The following CYP3A4 variants were observed in gnomAD, a reference collection of about 807,000 sequenced individuals.
CYP3A4 encodes cytochrome P450 3A4.
In CYP3A4, 41 loss-of-function variants were observed where a neutral mutation model predicts 54.9. The observed-to-expected ratio is 0.75, with a 90% CI of 0.58 to 0.97. CYP3A4 has a LOEUF of 0.97. Among genes scored for constraint, CYP3A4 ranks in the 50% least tolerant of loss-of-function variants. The pLI, the probability that CYP3A4 is intolerant of heterozygous loss-of-function variation, is 0.00. For missense variants in CYP3A4, 510 were observed against 597.3 expected, an observed-to-expected ratio of 0.85 and a Z score of 1.52; for synonymous variants, 179 against 205.2, an observed-to-expected ratio of 0.87 and a Z score of 1.09.
chr7:99,778,126 C>G, intron 2 of CYP3A4, 46 bp from the exon 3 acceptor site: 1 of 1,478,090 alleles, frequency 6.8e-7, no homozygotes, highest in South Asian at 1.2e-5. Flanking sequence ...TTTTAATGTA[C>G]TTAACCCTGC....
At position 99,768,290 on chromosome 7, in the gene CYP3A4, A is replaced by G. The variant is rs4987160; in HGVS notation, c.670+64T>C. On this transcript the variant is annotated intron_variant, in intron 7 of 12. Transcript: ENST00000651514. ...GTGGATGAATTACATGGTGATTTAT[A>G]TCTCAATAAAGCAGTTATTTTTAAG... 1,145 of 1,500,354 alleles carry G rather than the reference A, an allele frequency of 7.6e-4. 9 individuals carry two copies. In the African/African-American group the frequency reaches 0.014, roughly 18 times the overall value. 92.9% of individuals were successfully genotyped at this position (1,500,354 alleles called of 1,614,324 possible).
intron 3 of CYP3A4, among the ~76,000 whole-genome samples, chr7:99,773,943 A>C (rs1416968300): frequency 1.3e-5 from 2 of 152,172 alleles, no homozygotes; most frequent in Admixed American, 1.3e-4. Flanking sequence ...AAATAGATAG[A>C]CTGCTAGCAA....
At chr7:99,782,952 GAACT>G (rs1815963861) in intron 1 of CYP3A4, among the ~76,000 whole-genome samples, 1 of 152,214 alleles carries the variant, frequency 6.6e-6, no homozygotes, top group East Asian at 1.9e-4. Context: ...AACAAATACT[GAACT>G]AACAGCCCTC....
intron 2 of CYP3A4, among the ~76,000 whole-genome samples, chr7:99,779,356 G>T (rs1191407151): frequency 6.6e-6 from 1 of 152,130 alleles, no homozygotes; most frequent in Non-Finnish European, 1.5e-5. Context: ...TGAAGGAAAA[G>T]AAATAAAGCA....
At chr7:99,764,846 C>A (rs1187939030) in intron 9 of CYP3A4, among the ~76,000 whole-genome samples, 1 of 152,198 alleles carries the variant, frequency 6.6e-6, no homozygotes, top group Non-Finnish European at 1.5e-5. Context: ...ATTAAAATAG[C>A]ATAAGCTCCT....
intron 1 of CYP3A4, 123 bp downstream of exon 1, chr7:99,783,888 T>G (rs564746136): frequency 1.8e-6 from 2 of 1,139,136 alleles, no homozygotes; most frequent in Non-Finnish European, 2.6e-6. Flanking sequence ...GGATTACAGG[T>G]GTAAGCCACC....
chr7:99,758,239 T>TAGG lies in CYP3A4; in HGVS notation c.1417-12_1417-11insCCT. On this transcript the variant is annotated splice_polypyrimidine_tract_variant and intron_variant, in intron 12 of 12. Transcript: ENST00000651514. ...TAATTTCAGGGGGATCTGCAACAGT[T>TAGG]AAACAAGCATATTGAGAAGCATTAA... 1.2e-6 allele frequency: 2 copies of TAGG among 1,611,998 alleles called. No individual in the cohort carries two copies. Among genetic ancestry groups the TAGG allele is most frequent in the Non-Finnish European group, 1.7e-6 (2 of 1,178,316 alleles).
rs193234186 is a variant in CYP3A4, at chr7:99,779,260, T to C, written c.165+732A>G. Among the ~76,000 whole-genome samples, 11 of 152,294 alleles carry C rather than the reference T, an allele frequency of 7.2e-5. No homozygotes were observed. The East Asian group carries it at 7.7e-4, about 11-fold the overall frequency. Reference sequence around the variant, plus strand: ...AAAACCCCACAAACTCATTTTGTGCTTAAATATCTGAGTTTGATTGACCAC... The same window carrying C: ...AAAACCCCACAAACTCATTTTGTGCCTAAATATCTGAGTTTGATTGACCAC... On this transcript the variant is annotated intron_variant, in intron 2 of 12. Transcript: ENST00000651514.
intron 10 of CYP3A4, 42 bp downstream of exon 10, chr7:99,763,813 G>A (rs1438272660): frequency 6.2e-7 from 1 of 1,611,096 alleles, no homozygotes; most frequent in Non-Finnish European, 8.5e-7. Flanking sequence ...TTTTTGCTAA[G>A]GTTTCACCTC....
chr7:99,772,928 C>T (rs1302494354), intron 3 of CYP3A4, among the ~76,000 whole-genome samples: 1 of 152,106 alleles, frequency 6.6e-6, no homozygotes, highest in Non-Finnish European at 1.5e-5. Context: ...CATTGAAAGA[C>T]AAAAGAGCTC....
In CYP3A4 at chr7:99,780,008, A is replaced by G. The variant is rs374028591; in HGVS notation, c.149T>C (p.Ile50Thr). 6 of 1,613,366 alleles carry G rather than the reference A, an allele frequency of 3.7e-6. No individual in the cohort carries two copies. The African/African-American group carries it at 4.0e-5, about 11-fold the overall frequency. ...AACACTCACCTTATGGTAGGACAAA[A>G]TATTTCCCAAAAAAGGCAGAGGTGT... Reference protein sequence around the residue: ...GPTPLPFLGNILSYHKGFCMF... With the variant: ...GPTPLPFLGNTLSYHKGFCMF... The change falls in exon 2 of 13, where the codon ATT (isoleucine) becomes ACT (threonine). Residue 50 changes from isoleucine to threonine, a missense_variant. This residue lies in a region of CYP3A4 where 272 missense variants were observed against 274.9 expected (regional missense o/e 0.99). Transcript: ENST00000651514.
At position 99,768,342 on chromosome 7, in the gene CYP3A4, T is replaced by A; in HGVS notation, c.670+12A>T. ...GAGCAAGATAAATAAAAGGAAATAG[T>A]AGTCCACATACTTATTGAGAGAAAG... On this transcript the variant is annotated intron_variant, in intron 7 of 12. Transcript: ENST00000651514. 6.2e-7 allele frequency: 1 copy of A among 1,610,838 alleles called. No individual in the cohort carries two copies. Among genetic ancestry groups the A allele is most frequent in the Non-Finnish European group, 8.5e-7 (1 of 1,177,272 alleles).
rs1815413497 is a variant in CYP3A4, at chr7:99,763,973, A to G, written c.908T>C (p.Ile303Thr). Reference protein sequence around the residue: ...LELVAQSIIFIFAGYETTSSV... With the variant: ...LELVAQSIIFTFAGYETTSSV... ...GCTCGTGGTTTCATAGCCAGCAAAA[A>G]TAAAGATAATTGATTGGGCCACGAG... The change falls in exon 10 of 13, where the codon ATT (isoleucine) becomes ACT (threonine). Residue 303 changes from isoleucine (I) to threonine (T), a missense_variant. Around this residue, in one of 2 missense-constraint regions of CYP3A4, gnomAD observed 238 missense variants for 322.5 expected, o/e 0.74. Coordinates refer to ENST00000651514, the MANE Select transcript of CYP3A4 (RefSeq NM_017460.6). 6.2e-7 allele frequency: 1 copy of G among 1,613,912 alleles called. No homozygotes were observed. The highest frequency in any genetic ancestry group is 1.7e-5 in the Admixed American group (1 of 59,988).
At chr7:99,773,057 A>T (rs1282559981) in intron 3 of CYP3A4, among the ~76,000 whole-genome samples, 2 of 152,132 alleles carry the variant, frequency 1.3e-5, no homozygotes, top group Non-Finnish European at 2.9e-5. Context: ...ATTTTATTTT[A>T]AAAAGAATAT....
intron 12 of CYP3A4, among the ~76,000 whole-genome samples, chr7:99,758,588 A>C (rs2151552053): frequency 6.6e-6 from 1 of 152,328 alleles, no homozygotes; most frequent in Admixed American, 6.5e-5. Context: ...TTTAAATTTT[A>C]AGTAAAATGG....
intron 8 of CYP3A4, chr7:99,766,856 T>C (rs1455827913): frequency 1.9e-5 from 7 of 367,716 alleles, no homozygotes; most frequent in Admixed American, 4.4e-5. Context: ...AGTAAAGTGG[T>C]AAAGTTTTAT....
chr7:99,766,234 A>G (rs1416143607), intron 9 of CYP3A4, 143 bp downstream of exon 9: 12 of 1,023,954 alleles, frequency 1.2e-5, no homozygotes, highest in African/African-American at 4.9e-5. Context: ...AGTGCCTCCA[A>G]CTACCACTTA....
In CYP3A4 at chr7:99,780,078, T is replaced by C; in HGVS notation, c.79A>G (p.Thr27Ala). ...TTCTTAAAAAGTCCATGTGAATGGG[T>C]TCCATATCTACAAAGTGAAACAGAA... ...VSLVLLYLYGTHSHGLFKKLG... is the reference protein window; with the variant it reads ...VSLVLLYLYGAHSHGLFKKLG... The change falls in exon 2 of 13, where the codon ACC becomes GCC. Residue 27 changes from threonine (T) to alanine (A), a missense_variant. By Grantham distance (58) the Thr-to-Ala change is moderately conservative. This residue lies in a region of CYP3A4 where 272 missense variants were observed against 274.9 expected (regional missense o/e 0.99). Coordinates refer to ENST00000651514, the MANE Select transcript of CYP3A4 (RefSeq NM_017460.6). 6.2e-7 allele frequency: 1 copy of C among 1,613,000 alleles called. No homozygotes were observed. Among genetic ancestry groups the C allele is most frequent in the African/African-American group, 1.3e-5 (1 of 75,004 alleles).
chr7:99,768,600 C>A, intron 6 of CYP3A4, 98 bp from the exon 7 acceptor site: 1 of 1,603,150 alleles, frequency 6.2e-7, no homozygotes, highest in Non-Finnish European at 8.5e-7. Context: ...TCAAGACAGA[C>A]AAACAGCCAC....
Sources: allele counts gnomAD v4.1 joint callset (sites outside exome capture counted in the v4.1 genomes callset), GRCh38; gene constraint gnomAD v4.1.1; regional missense constraint gnomAD v4.1.1; transcripts MANE v1.5; gene names NCBI Gene and HGNC (gene_info 2026-07-23, HGNC 2026-07-21).